The following CACNA2D1 variants were observed in gnomAD, a reference collection of about 807,000 sequenced individuals.
CACNA2D1 encodes the protein calcium voltage-gated channel auxiliary subunit alpha2delta 1, also known as voltage-dependent calcium channel subunit alpha-2/delta-1.
Under a neutral mutation model 171.5 loss-of-function variants are expected in CACNA2D1, and 53 were observed. The observed-to-expected ratio is 0.31, with a 90% CI of 0.25 to 0.39. The LOEUF (loss-of-function observed/expected upper bound fraction) is 0.39, where lower values mean the gene tolerates loss of function less well. Ranked by LOEUF, CACNA2D1 falls within the 10% of genes least tolerant of loss-of-function variation. The pLI, the probability that CACNA2D1 is intolerant of heterozygous loss-of-function variation, is 1.00. For missense variants in CACNA2D1, 903 were observed against 1,299.8 expected (o/e 0.69, Z 4.69); for synonymous variants, 442 against 443.1 (o/e 1.00, Z 0.03).
chr7:81,995,780 C>T (rs1000871617), intron 19 of CACNA2D1, among the ~76,000 whole-genome samples: 1 of 129,006 alleles, frequency 7.8e-6, no homozygotes, highest in Non-Finnish European at 1.6e-5. Flanking sequence ...GCCTGGGCGA[C>T]AGAGCGAGAC....
At chr7:82,174,885 A>G (rs1796404435) in intron 3 of CACNA2D1, among the ~76,000 whole-genome samples, 2 of 152,072 alleles carry the variant, frequency 1.3e-5, no homozygotes, top group African/African-American at 2.4e-5. Context: ...CAGATCACAG[A>G]AAGATCAGCT....
chr7:82,083,101 C>G (rs770290683), intron 7 of CACNA2D1, among the ~76,000 whole-genome samples: 1 of 151,686 alleles, frequency 6.6e-6, no homozygotes, highest in Admixed American at 6.6e-5. Context: ...ATTTTCTCTC[C>G]GATACTGGGC....
At chr7:81,989,875 C>G (rs542632197) in intron 21 of CACNA2D1, among the ~76,000 whole-genome samples, 56 of 152,044 alleles carry the variant, frequency 3.7e-4, no homozygotes, top group African/African-American at 1.3e-3. Context: ...GGCAAGACAG[C>G]AAAAAGGGAG....
At chr7:82,238,635 GTTCAGCCACAT>G (rs952920541) in intron 3 of CACNA2D1, among the ~76,000 whole-genome samples, 3 of 152,074 alleles carry the variant, frequency 2.0e-5, no homozygotes, top group African/African-American at 7.2e-5. Flanking sequence ...GTGTAAATTG[GTTCAGCCACAT>G]TCAGTAGTAA....
chr7:82,205,662 C>CTGTA lies in CACNA2D1; in HGVS notation c.295-35057_295-35054dup, dbSNP rs545340306. On this transcript the variant is annotated intron_variant, in intron 3 of 38. Coordinates refer to ENST00000356860, the MANE Select transcript of CACNA2D1 (RefSeq NM_000722.4). ...AGAATATCCTAGAAGAATGCAGATA[C>CTGTA]TGTAGCCCCAATTATTTCTACAGTA... is the stretch of plus-strand genomic sequence containing the variant. 1.6e-3 allele frequency among the ~76,000 whole-genome samples: 240 copies of CTGTA among 152,266 alleles called. 1 individual carries two copies. The highest frequency in any genetic ancestry group is 5.6e-3 in the African/African-American group (234 of 41,564).
intron 27 of CACNA2D1, 31 bp from the exon 28 acceptor site, chr7:81,970,015 C>A: frequency 8.0e-7 from 1 of 1,246,272 alleles, no homozygotes; most frequent in Non-Finnish European, 1.2e-6. Flanking sequence ...CATTTGTATT[C>A]TTTAATCTAC....
At chr7:82,045,903 C>T (rs1804497949) in intron 10 of CACNA2D1, among the ~76,000 whole-genome samples, 1 of 152,078 alleles carries the variant, frequency 6.6e-6, no homozygotes, top group Non-Finnish European at 1.5e-5. Context: ...ACCCCAAGCG[C>T]AAATTCCCTG....
intron 4 of CACNA2D1, among the ~76,000 whole-genome samples, chr7:82,137,530 G>A (rs1382236750): frequency 1.3e-5 from 2 of 151,962 alleles, no homozygotes; most frequent in Non-Finnish European, 2.9e-5. Context: ...TCACTACGAT[G>A]TGAACACATA....
chr7:82,420,058 A>G (rs947385868), intron 1 of CACNA2D1, among the ~76,000 whole-genome samples: 1 of 152,186 alleles, frequency 6.6e-6, no homozygotes, highest in African/African-American at 2.4e-5. Flanking sequence ...CCAAAATGTC[A>G]ATAGTCCTGA....
intron 10 of CACNA2D1, chr7:82,050,306 A>G (rs749090545): frequency 4.3e-5 from 17 of 391,266 alleles, no homozygotes; most frequent in Non-Finnish European, 6.5e-5. Context: ...ACAGTGTCAT[A>G]GATAAAAGGC....
chr7:82,321,532 A>G (rs1301445904), intron 3 of CACNA2D1, among the ~76,000 whole-genome samples: 3 of 152,188 alleles, frequency 2.0e-5, no homozygotes, highest in African/African-American at 4.8e-5. Context: ...ACACAATAAC[A>G]TATCTTCCTC....
chr7:82,391,667 G>A (rs1489497958), intron 1 of CACNA2D1, among the ~76,000 whole-genome samples: 4 of 152,156 alleles, frequency 2.6e-5, no homozygotes, highest in Non-Finnish European at 5.9e-5. Context: ...TGTTTGCAGA[G>A]GTACAATTGA....
At chr7:82,378,916 T>C (rs1823331286) in intron 1 of CACNA2D1, among the ~76,000 whole-genome samples, 2 of 149,974 alleles carry the variant, frequency 1.3e-5, no homozygotes, top group African/African-American at 4.9e-5. Context: ...CTGTTGCTAC[T>C]GTATGTGTGC....
chr7:82,013,732 A>T (rs1004913956), intron 13 of CACNA2D1, among the ~76,000 whole-genome samples: 1 of 151,906 alleles, frequency 6.6e-6, no homozygotes, highest in Non-Finnish European at 1.5e-5. Flanking sequence ...CTTAGTTACT[A>T]TAAAATAGGT....
chr7:82,012,835 G>A (rs1228719876), intron 14 of CACNA2D1, among the ~76,000 whole-genome samples: 2 of 151,998 alleles, frequency 1.3e-5, no homozygotes, highest in African/African-American at 4.8e-5. Flanking sequence ...TTATTTTGTA[G>A]ATCTTCAGCT....
chr7:82,066,025 T>A (rs1807556943), intron 8 of CACNA2D1, among the ~76,000 whole-genome samples: 1 of 152,032 alleles, frequency 6.6e-6, no homozygotes, highest in Non-Finnish European at 1.5e-5. Context: ...GGAAAAAAAA[T>A]TAAACCTAAG....
chr7:82,433,231 A>C (rs950108895), intron 1 of CACNA2D1, among the ~76,000 whole-genome samples: 8 of 152,156 alleles, frequency 5.3e-5, no homozygotes, highest in Non-Finnish European at 1.0e-4. Flanking sequence ...AAACTACATG[A>C]ATCTTTAAGA....
intron 1 of CACNA2D1, among the ~76,000 whole-genome samples, chr7:82,408,915 A>T (rs1340503282): frequency 1.3e-5 from 2 of 152,222 alleles, no homozygotes; most frequent in Admixed American, 1.3e-4. Flanking sequence ...CTAAAGCTTT[A>T]AGAGAAAAGA....
chr7:82,126,144 A>T (rs770425077), intron 5 of CACNA2D1, among the ~76,000 whole-genome samples: 1 of 152,148 alleles, frequency 6.6e-6, no homozygotes, highest in South Asian at 2.1e-4. Flanking sequence ...AAATAACTAA[A>T]AAGCAGAGAG....
Sources: gnomAD v4.1 joint callset for allele counts (sites outside exome capture counted in the v4.1 genomes callset) on GRCh38, gnomAD v4.1.1 for gene constraint, MANE v1.5 for transcripts, NCBI Gene and HGNC (gene_info 2026-07-23, HGNC 2026-07-21) for gene names.